AP3D1: variants seen among roughly 807,000 people sequenced by gnomAD.
The protein encoded by AP3D1 is AP-3 complex subunit delta-1.
A neutral mutation model predicts 147.6 loss-of-function variants in AP3D1; 51 were observed. The ratio of observed to expected loss-of-function variants is 0.35; its 90% confidence interval spans 0.28 to 0.44. The LOEUF (loss-of-function observed/expected upper bound fraction) is 0.44, where lower values mean the gene tolerates loss of function less well. AP3D1 is among the 20% of genes least tolerant of loss of function. The probability of loss-of-function intolerance (pLI) is 1.00; values close to 1 mark genes in which losing one functional copy is unlikely to be tolerated. For synonymous variants in AP3D1, 760 were observed against 663.0 expected, an observed-to-expected ratio of 1.15 and a Z score of -2.25; for missense variants, 1,421 against 1,624.2, an observed-to-expected ratio of 0.87 and a Z score of 2.15.
At chr19:2,150,448 G>A (rs1264439914) in intron 1 of AP3D1, among the ~76,000 whole-genome samples, 1 of 152,182 alleles carries the variant, frequency 6.6e-6, no homozygotes, top group Non-Finnish European at 1.5e-5. Context: ...CGATCCCCAC[G>A]GTTGTAATTT....
Position 2,121,766 on chromosome 19 carries a change from G to T in AP3D1, c.1069C>A (p.Arg357=), listed in dbSNP as rs370176164. 6.2e-7 allele frequency: 1 copy of T among 1,610,936 alleles called. No individual in the cohort carries two copies. The highest frequency in any genetic ancestry group is 1.7e-5 in the Admixed American group (1 of 59,252). The change falls in exon 12 of 32, where the codon CGG becomes AGG. Residue 357 remains arginine (R), a synonymous_variant. Coordinates refer to ENST00000643116, the MANE Select transcript of AP3D1 (RefSeq NM_001261826.3). ...QCLDDKDESI[R]LRALDLLYGM... ...TAGAGCAGGTCCAGGGCCCGCAGCC[G>T]GATGGACTCGTCCTTGTCGTCCAGG... is the stretch of plus-strand genomic sequence containing the variant.
chr19:2,136,895 C>T (rs1266678980), intron 4 of AP3D1, 116 bp downstream of exon 4: 8 of 970,552 alleles, frequency 8.2e-6, no homozygotes, highest in African/African-American at 4.9e-5. Flanking sequence ...GCCCCGCTCG[C>T]ACTCAAGGGG....
intron 31 of AP3D1, among the ~76,000 whole-genome samples, chr19:2,107,425 C>A (rs746992868): frequency 2.6e-5 from 4 of 151,966 alleles, no homozygotes; most frequent in Admixed American, 1.3e-4. Context: ...AACCGGACAT[C>A]AAGAAAAATT....
At chr19:2,137,488 G>C (rs1003195943) in intron 3 of AP3D1, among the ~76,000 whole-genome samples, 1 of 151,968 alleles carries the variant, frequency 6.6e-6, no homozygotes, top group African/African-American at 2.4e-5. Context: ...ACTAAATTTT[G>C]TATTTTTAGT....
intron 1 of AP3D1, among the ~76,000 whole-genome samples, chr19:2,160,924 C>T (rs1349025315): frequency 1.3e-5 from 2 of 152,048 alleles, no homozygotes; most frequent in Admixed American, 6.6e-5. Flanking sequence ...TCCCAGACAT[C>T]GCCCAGTGTT....
Position 2,118,707 on chromosome 19 carries a change from T to A in AP3D1, c.1607A>T (p.Gln536Leu). The A allele has an allele frequency of 6.2e-7, 1 of 1,613,618 alleles. No homozygotes were observed. The highest frequency in any genetic ancestry group is 8.5e-7 in the Non-Finnish European group (1 of 1,180,004). Residue 536 changes from glutamine to leucine, a missense_variant, in exon 15 of 32, where the codon CAG becomes CTG. This residue lies in a region of AP3D1 where 310 missense variants were observed against 388.1 expected (regional missense o/e 0.80). Coordinates refer to ENST00000643116, the MANE Select transcript of AP3D1 (RefSeq NM_001261826.3). The stretch of plus-strand genomic sequence containing the variant: ...CTCTGCCTCCCCGGCCTGCTCCTTC[T>A]GCTGCAGGATGGAGGCGTAGAGCTT... ...VVKLYASILQ[Q>L]KEQAGEAEGA...
intron 1 of AP3D1, among the ~76,000 whole-genome samples, chr19:2,143,064 T>C (rs950765986): frequency 2.7e-4 from 41 of 150,152 alleles, no homozygotes; most frequent in African/African-American, 9.8e-4. Flanking sequence ...ACGCCCAGCC[T>C]CTTTTTCTTT....
Position 2,121,263 on chromosome 19 carries a change from C to A in AP3D1, c.1150G>T (p.Val384Leu). ...MEIVKKLMTH[V>L]DKAEGTTYRD... ...TAGGTGGTACCCTCTGCCTTGTCTA[C>A]GTGGGTCATCAGCTTCTTCACGATC... The change falls in exon 13 of 32, where the codon GTA becomes TTA. Residue 384 changes from valine to leucine, a missense_variant. Val to Leu is a conservative substitution (Grantham distance 32). This residue lies in a region of AP3D1 where 310 missense variants were observed against 388.1 expected (regional missense o/e 0.80). Coordinates refer to ENST00000643116, the MANE Select transcript of AP3D1 (RefSeq NM_001261826.3). 1 of 1,614,194 alleles carries A rather than the reference C, an allele frequency of 6.2e-7. No homozygotes were observed. Among genetic ancestry groups the A allele is most frequent in the Non-Finnish European group, 8.5e-7 (1 of 1,180,020 alleles).
intron 1 of AP3D1, among the ~76,000 whole-genome samples, chr19:2,142,643 G>A (rs2019251360): frequency 6.6e-6 from 1 of 152,222 alleles, no homozygotes; most frequent in African/African-American, 2.4e-5. Flanking sequence ...CCTGGCTGAG[G>A]GGAGCCGGGC....
intron 6 of AP3D1, among the ~76,000 whole-genome samples, chr19:2,129,964 G>A (rs1026679901): frequency 1.3e-5 from 2 of 152,192 alleles, no homozygotes; most frequent in African/African-American, 4.8e-5. Context: ...CACGCCAGAG[G>A]CTTCACACAC....
intron 31 of AP3D1, among the ~76,000 whole-genome samples, chr19:2,106,592 T>TC (rs201543309): frequency 0.013 from 1,970 of 152,108 alleles, 28 homozygotes; most frequent in Middle Eastern, 0.027. Flanking sequence ...AGGCAGGGAC[T>TC]CCAACAGTTA....
Position 2,123,817 on chromosome 19 carries a change from G to C in AP3D1, c.906+13C>G, listed in dbSNP as rs921657279. On this transcript the variant is annotated intron_variant, in intron 10 of 31. Coordinates refer to ENST00000643116, the MANE Select transcript of AP3D1 (RefSeq NM_001261826.3). The stretch of plus-strand genomic sequence containing the variant: ...TGTGGGACCCCATGGGCCCCGCCCA[G>C]TGCGGGACGTACCTGGATGCTGGCG... 17 of 1,565,480 alleles carry C rather than the reference G, an allele frequency of 1.1e-5. No individual in the cohort carries two copies. The highest frequency in any genetic ancestry group is 4.1e-5 in the African/African-American group (3 of 73,620).
chr19:2,164,361 C>G lies in AP3D1; in HGVS notation c.-108G>C, dbSNP rs2019826428. The G allele has an allele frequency of 6.0e-6, 5 of 835,320 alleles. No individual in the cohort carries two copies. The South Asian group carries it at 2.9e-4, about 49-fold the overall frequency. 51.7% of individuals were successfully genotyped at this position (835,320 alleles called of 1,614,324 possible). A position where few individuals can be genotyped will look rare whatever the true frequency, so the allele number is the denominator to read the frequency against. Reference sequence around the variant, plus strand: ...CCCCCCCAAGCCGCGCTCACCGGTCCCCCCTGCGGAACGGAGACCCTGGAC... The same window carrying G: ...CCCCCCCAAGCCGCGCTCACCGGTCGCCCCTGCGGAACGGAGACCCTGGAC... On this transcript the variant is annotated 5_prime_UTR_variant, in exon 1 of 15. Coordinates refer to the AP3D1 transcript ENST00000643010.
chr19:2,125,017 C>G (rs778716972), intron 9 of AP3D1, among the ~76,000 whole-genome samples: 2 of 152,184 alleles, frequency 1.3e-5, no homozygotes, highest in Non-Finnish European at 2.9e-5. Flanking sequence ...GGATAAGAGA[C>G]TGCACATGGG....
intron 9 of AP3D1, among the ~76,000 whole-genome samples, chr19:2,126,645 T>A (rs2018763934): frequency 1.5e-5 from 2 of 134,806 alleles, no homozygotes; most frequent in Non-Finnish European, 3.1e-5. Flanking sequence ...AGAGTGAGAC[T>A]CTGCCTCAAA....
intron 31 of AP3D1, among the ~76,000 whole-genome samples, chr19:2,107,214 C>A (rs1373216673): frequency 6.7e-6 from 1 of 149,394 alleles, no homozygotes; most frequent in Non-Finnish European, 1.5e-5. Context: ...GAGCCGAGAC[C>A]GCGCCACTGC....
intron 1 of AP3D1, among the ~76,000 whole-genome samples, chr19:2,157,862 T>C (rs1441514866): frequency 6.6e-6 from 1 of 152,128 alleles, no homozygotes; most frequent in African/African-American, 2.4e-5. Context: ...TCAGGACAAA[T>C]GGAAGAGCTT....
intron 11 of AP3D1, 110 bp from the exon 12 acceptor site, chr19:2,121,989 T>A: frequency 7.8e-7 from 1 of 1,289,982 alleles, no homozygotes; most frequent in Non-Finnish European, 1.1e-6. Context: ...CTGCCTGGCC[T>A]TGGCAACCTG....
intron 4 of AP3D1, among the ~76,000 whole-genome samples, chr19:2,134,114 A>G (rs773562719): frequency 3.9e-5 from 6 of 152,000 alleles, no homozygotes; most frequent in Non-Finnish European, 8.8e-5. Flanking sequence ...TAAATAAAAT[A>G]AAATAAAATA....
Sources: gnomAD v4.1 joint callset for allele counts (sites outside exome capture counted in the v4.1 genomes callset) on GRCh38, gnomAD v4.1.1 for gene constraint, gnomAD v4.1.1 regional missense constraint, MANE v1.5 for transcripts, NCBI Gene and HGNC (gene_info 2026-07-23, HGNC 2026-07-21) for gene names.